PBRM1: variants seen among roughly 807,000 people sequenced by gnomAD.
The protein encoded by PBRM1 is polybromo 1.
A neutral mutation model predicts 194.5 loss-of-function variants in PBRM1; 27 were observed. The ratio of observed to expected loss-of-function variants is 0.14; its 90% confidence interval spans 0.10 to 0.19. The LOEUF (loss-of-function observed/expected upper bound fraction) is 0.19, where lower values mean the gene tolerates loss of function less well. Ranked by LOEUF, PBRM1 falls within the 10% of genes least tolerant of loss-of-function variation. The probability of loss-of-function intolerance (pLI) is 1.00; values close to 1 mark genes in which losing one functional copy is unlikely to be tolerated. For synonymous variants in PBRM1, 655 were observed against 693.2 expected, an observed-to-expected ratio of 0.94 and a Z score of 0.87; for missense variants, 1,466 against 2,077.2, an observed-to-expected ratio of 0.71 and a Z score of 5.72.
chr3:52,660,814 G>A (rs1353573477), intron 4 of PBRM1, among the ~76,000 whole-genome samples: 1 of 151,474 alleles, frequency 6.6e-6, no homozygotes, highest in Non-Finnish European at 1.5e-5. Flanking sequence ...CACCTGACTA[G>A]GAACTGTATT....
chr3:52,628,080 C>T (rs900699510), intron 12 of PBRM1, among the ~76,000 whole-genome samples: 1 of 152,130 alleles, frequency 6.6e-6, no homozygotes, highest in Non-Finnish European at 1.5e-5. Flanking sequence ...GAACCATGAC[C>T]TGAGACATCC....
chr3:52,643,125 G>A, intron 9 of PBRM1, 123 bp downstream of exon 10: 2 of 734,360 alleles, frequency 2.7e-6, no homozygotes, highest in Non-Finnish European at 4.9e-6. Context: ...TTTGACAACA[G>A]ATTCTCATTA....
intron 25 of PBRM1, among the ~76,000 whole-genome samples, chr3:52,559,066 C>T (rs2082834527): frequency 1.3e-5 from 2 of 152,108 alleles, no homozygotes; most frequent in South Asian, 2.1e-4. Flanking sequence ...CATTATACTT[C>T]AGGCTACAAT....
At chr3:52,670,784 G>A (rs1371774644) in intron 2 of PBRM1, among the ~76,000 whole-genome samples, 1 of 152,168 alleles carries the variant, frequency 6.6e-6, no homozygotes, top group African/African-American at 2.4e-5. Context: ...TTGAGCCCAG[G>A]AGGTCAAGGC....
At chr3:52,607,301 A>G (rs2094396889) in intron 16 of PBRM1, among the ~76,000 whole-genome samples, 1 of 152,118 alleles carries the variant, frequency 6.6e-6, no homozygotes, top group Admixed American at 6.6e-5. Flanking sequence ...CCTAACTACT[A>G]AATTACCAGG....
At chr3:52,636,750 C>G (rs2095830163) in intron 10 of PBRM1, among the ~76,000 whole-genome samples, 2 of 55,288 alleles carry the variant, frequency 3.6e-5, no homozygotes, top group Admixed American at 3.3e-4. Context: ...GAGTGAAACT[C>G]TGTCTCCAAA....
intron 10 of PBRM1, among the ~76,000 whole-genome samples, chr3:52,636,688 C>CGGA (rs1489870397): frequency 7.9e-6 from 1 of 125,842 alleles, no homozygotes; most frequent in African/African-American, 3.1e-5. Context: ...AACCAGAAGG[C>CGGA]GGAGATTGTA....
chr3:52,664,621 G>C (rs1451263385), intron 3 of PBRM1, among the ~76,000 whole-genome samples: 1 of 151,590 alleles, frequency 6.6e-6, no homozygotes, highest in Non-Finnish European at 1.5e-5. Flanking sequence ...TGTAATCCCA[G>C]CTACTCAGGG....
intron 20 of PBRM1, among the ~76,000 whole-genome samples, chr3:52,583,774 T>A (rs1210702674): frequency 6.6e-6 from 1 of 152,072 alleles, no homozygotes; most frequent in Non-Finnish European, 1.5e-5. Flanking sequence ...TGAAAAAAAA[T>A]TATAGGTAAA....
intron 26 of PBRM1, among the ~76,000 whole-genome samples, chr3:52,557,867 G>A (rs1297015388): frequency 1.3e-5 from 2 of 152,178 alleles, no homozygotes; most frequent in Non-Finnish European, 2.9e-5. Flanking sequence ...GAATGAGATG[G>A]GAAAATCAAC....
intron 17 of PBRM1, 90 bp downstream of exon 19, chr3:52,603,431 T>C (rs1243634816): frequency 7.3e-7 from 1 of 1,371,200 alleles, no homozygotes; most frequent in Non-Finnish European, 9.9e-7. Flanking sequence ...TTTTCATTCA[T>C]ACAAACAGGA....
chr3:52,580,252 A>C (rs1202250429), intron 20 of PBRM1, among the ~76,000 whole-genome samples: 2 of 152,178 alleles, frequency 1.3e-5, no homozygotes, highest in Non-Finnish European at 2.9e-5. Flanking sequence ...ACAAAAGAAA[A>C]CAAACCACAA....
At chr3:52,634,691 T>G (rs2095741083) in exon 11 of PBRM1, 4 of 1,613,856 alleles carry the variant, frequency 2.5e-6, no homozygotes, top group Non-Finnish European at 2.5e-6. Flanking sequence ...AAGGTTCAGC[T>G]ATTAGCTGCC....
chr3:52,573,566 A>T (rs1390294101), intron 22 of PBRM1, among the ~76,000 whole-genome samples: 1 of 152,208 alleles, frequency 6.6e-6, no homozygotes, highest in Non-Finnish European at 1.5e-5. Flanking sequence ...AAGTACTGGG[A>T]TTACAGGCAT....
intron 17 of PBRM1, among the ~76,000 whole-genome samples, chr3:52,595,507 G>A (rs537712704): frequency 3.9e-4 from 59 of 152,182 alleles, no homozygotes; most frequent in African/African-American, 1.3e-3. Flanking sequence ...CAGGTCTTTC[G>A]CCCACTTTTT....
intron 3 of PBRM1, among the ~76,000 whole-genome samples, chr3:52,662,839 AAAC>A (rs1294094710): frequency 6.6e-6 from 1 of 151,450 alleles, no homozygotes; most frequent in Non-Finnish European, 1.5e-5. Context: ...AAAAAAAAAA[AAAC>A]ACCAAAAAAC....
intron 1 of PBRM1, among the ~76,000 whole-genome samples, chr3:52,679,354 C>T (rs1042581481): frequency 3.3e-5 from 5 of 152,194 alleles, no homozygotes; most frequent in Non-Finnish European, 5.9e-5. Flanking sequence ...CAGTTATTTG[C>T]TGAATTAATA....
intron 17 of PBRM1, among the ~76,000 whole-genome samples, chr3:52,589,755 T>C (rs911201106): frequency 6.6e-6 from 1 of 152,142 alleles, no homozygotes; most frequent in African/African-American, 2.4e-5. Flanking sequence ...ATAAACTATA[T>C]CTAGTATATA....
upstream of PBRM1, among the ~76,000 whole-genome samples, chr3:52,682,704 A>C (rs538660288): frequency 6.6e-6 from 1 of 152,286 alleles, no homozygotes; most frequent in Non-Finnish European, 1.5e-5. Flanking sequence ...TAAGTCTTCC[A>C]CCTCTGATTA....
Sources: allele counts gnomAD v4.1 joint callset (sites outside exome capture counted in the v4.1 genomes callset), GRCh38; gene constraint gnomAD v4.1.1; transcripts MANE v1.5; gene names NCBI Gene and HGNC (gene_info 2026-07-23, HGNC 2026-07-21).